The following IL1RAPL1 variants were observed in gnomAD, a reference collection of about 807,000 sequenced individuals.
IL1RAPL1 encodes interleukin 1 receptor accessory protein like 1, also known as interleukin-1 receptor accessory protein-like 1.
In IL1RAPL1, 3 loss-of-function variants were observed where a neutral mutation model predicts 48.4. The ratio of observed to expected loss-of-function variants is 0.06; its 90% CI spans 0.03 to 0.16. The LOEUF (loss-of-function observed/expected upper bound fraction) is 0.16, where lower values mean the gene tolerates loss of function less well. Ranked by LOEUF, IL1RAPL1 falls within the 10% of genes least tolerant of loss-of-function variation. The pLI is 1.00. For missense variants in IL1RAPL1, 349 were observed against 530.6 expected (o/e 0.66, Z 3.36); for synonymous variants, 185 against 187.7 (o/e 0.99, Z 0.12).
At chrX:29,408,206 A>G (rs1934099303) in intron 5 of IL1RAPL1, among the ~76,000 whole-genome samples, 2 of 111,710 alleles carry the variant, frequency 1.8e-5, no homozygotes, top group East Asian at 2.8e-4. Flanking sequence ...AAATATTAGT[A>G]ATGATACATA....
chrX:29,607,837 A>C (rs1327716203), intron 5 of IL1RAPL1, among the ~76,000 whole-genome samples: 1 of 111,407 alleles, frequency 9.0e-6, no homozygotes, highest in Non-Finnish European at 1.9e-5. Context: ...CTTGACTTCA[A>C]CCAGCATGTA....
At chrX:28,990,388 C>G (rs976825357) in intron 2 of IL1RAPL1, among the ~76,000 whole-genome samples, 9 of 111,896 alleles carry the variant, frequency 8.0e-5, no homozygotes, top group African/African-American at 2.9e-4. Flanking sequence ...GGTAAGTAAG[C>G]TTTCGTTGAT....
intron 2 of IL1RAPL1, among the ~76,000 whole-genome samples, chrX:29,076,237 T>G (rs1413776523): frequency 8.9e-6 from 1 of 112,314 alleles, no homozygotes. Flanking sequence ...ACACTTATAT[T>G]ACTTAAAATC....
intron 5 of IL1RAPL1, among the ~76,000 whole-genome samples, chrX:29,565,330 A>G (rs911256589): frequency 9.0e-6 from 1 of 111,112 alleles, no homozygotes; most frequent in African/African-American, 3.3e-5. Flanking sequence ...TACTAAAAAA[A>G]AAAAACACAA....
intron 6 of IL1RAPL1, among the ~76,000 whole-genome samples, chrX:29,730,019 C>G (rs1294664623): frequency 8.9e-6 from 1 of 112,176 alleles, no homozygotes; most frequent in African/African-American, 3.2e-5. Context: ...AGGTTCTATA[C>G]TGATTTGTGG....
rs1291767371 is a variant in IL1RAPL1 at position 29,184,146 on chromosome X, A to AC, written c.83-98792_83-98791insC. Among the ~76,000 whole-genome samples the AC allele has an allele frequency of 1.3e-3, 140 of 111,908 alleles. 1 individual carries two copies. The highest frequency in any genetic ancestry group is 4.4e-3 in the African/African-American group (135 of 30,782). On this transcript the variant is annotated intron_variant, in intron 2 of 10. Transcript: ENST00000378993. ...TACTTCTATTATAAAATATACACAT[A>AC]TTTCTATTATAAAATATACACCGTC...
chrX:29,782,628 C>T (rs190830492), intron 6 of IL1RAPL1, among the ~76,000 whole-genome samples: 3 of 111,086 alleles, frequency 2.7e-5, no homozygotes, highest in Admixed American at 1.9e-4. Context: ...AAAAACTGGG[C>T]AGAAGTAATT....
chrX:28,717,697 C>G (rs1421030101), intron 1 of IL1RAPL1, among the ~76,000 whole-genome samples: 1 of 111,185 alleles, frequency 9.0e-6, no homozygotes, highest in Non-Finnish European at 1.9e-5. Flanking sequence ...ATCTTAATAC[C>G]TGAGTCTCAG....
chrX:29,681,900 T>C (rs1601776585), intron 6 of IL1RAPL1, among the ~76,000 whole-genome samples: 1 of 81,474 alleles, frequency 1.2e-5, no homozygotes, highest in South Asian at 6.7e-4. Flanking sequence ...TGGTAAAAAA[T>C]CCTCTTTGTA....
At chrX:29,207,249 CAAAGAT>C (rs1246402970) in intron 2 of IL1RAPL1, among the ~76,000 whole-genome samples, 4 of 111,745 alleles carry the variant, frequency 3.6e-5, no homozygotes, top group African/African-American at 1.3e-4. Flanking sequence ...TTGAAGTCAT[CAAAGAT>C]AAAGTAAAAT....
intron 6 of IL1RAPL1, among the ~76,000 whole-genome samples, chrX:29,820,121 T>TA (rs1377073139): frequency 9.3e-6 from 1 of 107,374 alleles, no homozygotes; most frequent in African/African-American, 3.3e-5. Context: ...TATATATACT[T>TA]ATATAAATAT....
chrX:29,073,319 T>A (rs1475334437), intron 2 of IL1RAPL1, among the ~76,000 whole-genome samples: 1 of 111,791 alleles, frequency 8.9e-6, no homozygotes, highest in Non-Finnish European at 1.9e-5. Flanking sequence ...TTCAATCTGT[T>A]ATGTTTGATG....
At chrX:28,891,873 C>T (rs773684503) in intron 2 of IL1RAPL1, among the ~76,000 whole-genome samples, 5 of 111,434 alleles carry the variant, frequency 4.5e-5, no homozygotes, top group African/African-American at 6.5e-5. Flanking sequence ...CACATCCTTA[C>T]CAATACTTGT....
intron 6 of IL1RAPL1, among the ~76,000 whole-genome samples, chrX:29,883,067 C>T (rs1601864901): frequency 9.0e-6 from 1 of 111,686 alleles, no homozygotes; most frequent in Non-Finnish European, 1.9e-5. Flanking sequence ...TAGGGTCACA[C>T]ATTTATTCAT....
chrX:28,778,223 T>A (rs999645763), intron 1 of IL1RAPL1, among the ~76,000 whole-genome samples: 1 of 112,301 alleles, frequency 8.9e-6, no homozygotes, highest in East Asian at 2.8e-4. Flanking sequence ...ATATTAGAGC[T>A]CTAATTGGCA....
At chrX:28,628,234 G>T (rs757283398) in intron 1 of IL1RAPL1, among the ~76,000 whole-genome samples, 1 of 112,047 alleles carries the variant, frequency 8.9e-6, no homozygotes, top group African/African-American at 3.2e-5. Context: ...CTCAGGACTG[G>T]CAGATTGTGA....
chrX:29,217,756 T>C (rs1037395609), intron 2 of IL1RAPL1, among the ~76,000 whole-genome samples: 3 of 88,145 alleles, frequency 3.4e-5, no homozygotes, highest in South Asian at 6.7e-4. Flanking sequence ...TATACATTTT[T>C]TCTCTCTCTC....
Position 29,664,220 on chromosome X carries a change from C to T in IL1RAPL1, c.704-4210C>T, listed in dbSNP as rs769369750. 2.4e-4 allele frequency among the ~76,000 whole-genome samples: 27 copies of T among 110,650 alleles called. No homozygotes were observed. In the South Asian group the frequency reaches 6.1e-3, roughly 25 times the overall value. On this transcript the variant is annotated intron_variant, in intron 5 of 10. Transcript: ENST00000378993. Reference sequence around the variant, plus strand: ...GAGATCGAGACCAGCCTGACTAACGCGGTGAAACCCCGTCTCTACTAAAAA... The same window carrying T: ...GAGATCGAGACCAGCCTGACTAACGTGGTGAAACCCCGTCTCTACTAAAAA...
chrX:29,242,328 G>C (rs576041140), intron 2 of IL1RAPL1, among the ~76,000 whole-genome samples: 2 of 112,243 alleles, frequency 1.8e-5, no homozygotes, highest in South Asian at 7.4e-4. Flanking sequence ...CTACTTTACA[G>C]GAGGGGCGCC....
Sources: gnomAD v4.1 joint callset for allele counts (sites outside exome capture counted in the v4.1 genomes callset) on GRCh38, gnomAD v4.1.1 for gene constraint, MANE v1.5 for transcripts, NCBI Gene and HGNC (gene_info 2026-07-23, HGNC 2026-07-21) for gene names.